PTPRM: variants seen among roughly 807,000 people sequenced by gnomAD.
The protein encoded by PTPRM is receptor-type tyrosine-protein phosphatase mu.
PTPRM carries 47 observed loss-of-function variants against 186.7 expected under a neutral mutation model. The observed-to-expected ratio is 0.25, with a 90% confidence interval of 0.20 to 0.32. PTPRM has a LOEUF of 0.32. PTPRM is among the 10% of genes least tolerant of loss of function. The probability of loss-of-function intolerance (pLI) is 1.00; values close to 1 mark genes in which losing one functional copy is unlikely to be tolerated. For missense variants in PTPRM, 1,494 were observed against 1,865.0 expected, an observed-to-expected ratio of 0.80 and a Z score of 3.66; for synonymous variants, 668 against 674.9, an observed-to-expected ratio of 0.99 and a Z score of 0.16.
intron 13 of PTPRM, among the ~76,000 whole-genome samples, chr18:8,137,482 G>A (rs934597024): frequency 3.3e-5 from 5 of 152,146 alleles, no homozygotes; most frequent in Non-Finnish European, 5.9e-5. Flanking sequence ...GGCCTGGGTG[G>A]GGCAGTAGCC....
chr18:7,609,303 A>C (rs1239763287), intron 1 of PTPRM, among the ~76,000 whole-genome samples: 1 of 152,160 alleles, frequency 6.6e-6, no homozygotes, highest in African/African-American at 2.4e-5. Context: ...ATGATGAGAC[A>C]AAGTTCCCAG....
At chr18:8,392,721 G>T (rs668168) in intron 31 of PTPRM, among the ~76,000 whole-genome samples, 92,046 of 152,004 alleles carry the variant, frequency 0.61, 28,959 homozygotes, top group East Asian at 0.7. Context: ...TTATGTGGTT[G>T]CAGAGAGTAA....
Position 7,888,519 on chromosome 18 carries a change from A to G in PTPRM, c.468+142A>G, listed in dbSNP as rs140999915. 245 of 968,406 alleles carry G rather than the reference A, an allele frequency of 2.5e-4. No homozygotes were observed. In the African/African-American group the frequency reaches 3.8e-3, roughly 15 times the overall value. 60.0% of individuals were successfully genotyped at this position (968,406 alleles called of 1,614,324 possible). ...GGAGAAAGGGGAACTCTCATCCTATACTGTTGGTGGGATTGTAAATTAGTT... is the reference window on the plus strand; with the variant it reads ...GGAGAAAGGGGAACTCTCATCCTATGCTGTTGGTGGGATTGTAAATTAGTT... On this transcript the variant is annotated intron_variant, in intron 3 of 32. Coordinates refer to ENST00000580170, the MANE Select transcript of PTPRM (RefSeq NM_001105244.2).
At chr18:8,284,368 A>G (rs2094934028) in intron 19 of PTPRM, among the ~76,000 whole-genome samples, 1 of 152,168 alleles carries the variant, frequency 6.6e-6, no homozygotes, top group African/African-American at 2.4e-5. Flanking sequence ...TCATTTTTCA[A>G]AGCATCAACA....
rs2036475485 is a variant in PTPRM, at chr18:7,568,149, G to A, written c.73+258G>A. 6.6e-6 allele frequency among the ~76,000 whole-genome samples: 1 copy of A among 151,910 alleles called. No homozygotes were observed. The highest frequency in any genetic ancestry group is 1.5e-5 in the Non-Finnish European group (1 of 67,932). ...CCCAGCCGGGACTGCCAGCTCGGCC[G>A]CCGTCCTTCCGCGGCCTGGGCTAGT... On this transcript the variant is annotated intron_variant, in intron 1 of 32. Coordinates refer to ENST00000580170, the MANE Select transcript of PTPRM (RefSeq NM_001105244.2). This position sits in a 1 kb window ranked among gnomAD's most constrained non-coding sequence, Gnocchi z 5.1.
At chr18:8,250,362 A>G (rs1016882713) in intron 17 of PTPRM, among the ~76,000 whole-genome samples, 10 of 152,190 alleles carry the variant, frequency 6.6e-5, no homozygotes, top group African/African-American at 2.4e-4. Flanking sequence ...TTAAAAATTC[A>G]AGATAATTCA....
At chr18:8,254,862 T>C (rs1330918903) in intron 19 of PTPRM, among the ~76,000 whole-genome samples, 1 of 152,236 alleles carries the variant, frequency 6.6e-6, no homozygotes, top group Non-Finnish European at 1.5e-5. Flanking sequence ...ATAGACACAC[T>C]TTGCTCTGCT....
At chr18:8,011,834 A>G (rs2084548121) in intron 7 of PTPRM, among the ~76,000 whole-genome samples, 1 of 152,262 alleles carries the variant, frequency 6.6e-6, no homozygotes, top group Non-Finnish European at 1.5e-5. Context: ...TGTGCCTTTT[A>G]GAAGGGATCC....
intron 13 of PTPRM, among the ~76,000 whole-genome samples, chr18:8,129,760 A>G (rs1049025065): frequency 2.0e-5 from 3 of 152,214 alleles, no homozygotes; most frequent in African/African-American, 7.2e-5. Context: ...CATCATCATA[A>G]GACAGCAGGA....
intron 7 of PTPRM, among the ~76,000 whole-genome samples, chr18:8,007,761 G>A (rs1172815452): frequency 4.6e-5 from 7 of 152,146 alleles, no homozygotes; most frequent in East Asian, 1.9e-4. Flanking sequence ...TACTAAATCC[G>A]CTCTTGGCCA....
intron 2 of PTPRM, among the ~76,000 whole-genome samples, chr18:7,806,560 A>G (rs1393777999): frequency 6.6e-6 from 1 of 152,226 alleles, no homozygotes; most frequent in Non-Finnish European, 1.5e-5. Flanking sequence ...CTGATTTATG[A>G]GCAAAAAGGG....
At chr18:7,946,714 T>C (rs996192444) in intron 5 of PTPRM, among the ~76,000 whole-genome samples, 1 of 152,242 alleles carries the variant, frequency 6.6e-6, no homozygotes, top group Non-Finnish European at 1.5e-5. Flanking sequence ...CACAGACTTA[T>C]GTGGGACTTT....
chr18:8,093,173 G>A (rs993106897), intron 11 of PTPRM, among the ~76,000 whole-genome samples: 15 of 151,448 alleles, frequency 9.9e-5, no homozygotes, highest in African/African-American at 2.4e-4. Flanking sequence ...CTCACTGTCC[G>A]TAAGTCCAAG....
At chr18:8,206,174 G>C (rs1177141567) in intron 14 of PTPRM, among the ~76,000 whole-genome samples, 1 of 152,188 alleles carries the variant, frequency 6.6e-6, no homozygotes, top group Non-Finnish European at 1.5e-5. Context: ...AGTAGTAGAA[G>C]CAGAGAGAAA....
chr18:8,307,668 G>C (rs1213325989), intron 20 of PTPRM, among the ~76,000 whole-genome samples: 1 of 152,050 alleles, frequency 6.6e-6, no homozygotes, highest in East Asian at 1.9e-4. Flanking sequence ...GCTGGGCATG[G>C]TGGCAGCTGC....
intron 7 of PTPRM, among the ~76,000 whole-genome samples, chr18:7,955,994 A>C (rs533320620): frequency 1.6e-3 from 240 of 152,308 alleles, no homozygotes; most frequent in African/African-American, 5.5e-3. Context: ...CCATTCCGCA[A>C]CTTAAGTAAA....
At chr18:8,223,421 T>C (rs115597959) in intron 14 of PTPRM, among the ~76,000 whole-genome samples, 1,952 of 152,312 alleles carry the variant, frequency 0.013, 46 homozygotes, top group African/African-American at 0.045. Flanking sequence ...TCTGTTCATC[T>C]AAGTCAACCT....
chr18:8,296,331 C>A, intron 19 of PTPRM, 37 bp from the exon 20 acceptor site: 4 of 1,368,712 alleles, frequency 2.9e-6, no homozygotes, highest in African/African-American at 1.4e-5. Flanking sequence ...CTGTTTACTG[C>A]GCCAAATTGT....
rs1227404279 is a variant in PTPRM, at chr18:8,252,378, A to G, written c.2555-110A>G. ...CTCTGAATAGAAAACTTAACTGGAAAGTTAAAGCATAAAATAAAAACTACC... is the reference window on the plus strand; with the variant it reads ...CTCTGAATAGAAAACTTAACTGGAAGGTTAAAGCATAAAATAAAAACTACC... On this transcript the variant is annotated intron_variant, in intron 17 of 32. Coordinates refer to ENST00000580170, the MANE Select transcript of PTPRM (RefSeq NM_001105244.2). The G allele has an allele frequency of 5.3e-6, 5 of 937,548 alleles. No individual in the cohort carries two copies. The African/African-American group carries it at 6.5e-5, about 12-fold the overall frequency. 58.1% of individuals were successfully genotyped at this position (937,548 alleles called of 1,614,324 possible).
Sources: gnomAD v4.1 joint callset for allele counts (sites outside exome capture counted in the v4.1 genomes callset) on GRCh38, gnomAD v4.1.1 for gene constraint, Gnocchi (gnomAD v3.1) non-coding constraint, MANE v1.5 for transcripts, NCBI Gene and HGNC (gene_info 2026-07-23, HGNC 2026-07-21) for gene names.